The following ARHGAP42 variants were observed in gnomAD, a reference collection of about 807,000 sequenced individuals.
ARHGAP42 encodes the protein rho GTPase-activating protein 42.
Under a neutral mutation model 125.0 loss-of-function variants are expected in ARHGAP42, and 63 were observed. That is an observed-to-expected ratio of 0.50 (90% CI 0.41 to 0.62). The LOEUF (loss-of-function observed/expected upper bound fraction) is 0.62, where lower values mean the gene tolerates loss of function less well. Ranked by LOEUF, ARHGAP42 falls within the 20% of genes least tolerant of loss-of-function variation. The pLI is 0.00. For synonymous variants in ARHGAP42, 339 were observed against 351.0 expected, an observed-to-expected ratio of 0.97 and a Z score of 0.38; for missense variants, 766 against 1,024.2, an observed-to-expected ratio of 0.75 and a Z score of 3.44.
chr11:100,858,086 G>GGTGTGTGTGTGTGTGTGTGTGTGTGT (rs201861404), intron 3 of ARHGAP42, among the ~76,000 whole-genome samples: 1 of 108,920 alleles, frequency 9.2e-6, no homozygotes, highest in African/African-American at 3.0e-5. Flanking sequence ...TCTGGATAGG[G>GGTGTGTGTGTGTGTGTGTGTGTGTGT]GTGTGTGTGT....
At chr11:100,713,769 A>T (rs1162261923) in intron 1 of ARHGAP42, among the ~76,000 whole-genome samples, 3 of 152,186 alleles carry the variant, frequency 2.0e-5, no homozygotes, top group South Asian at 4.1e-4. Flanking sequence ...GATCTGCAGA[A>T]ATTTGTTTTT....
At chr11:100,888,487 A>G (rs1013403626) in intron 4 of ARHGAP42, among the ~76,000 whole-genome samples, 7 of 152,160 alleles carry the variant, frequency 4.6e-5, no homozygotes, top group African/African-American at 1.7e-4. Flanking sequence ...TTATGTGTAT[A>G]TTCCTAATAT....
At chr11:100,823,361 G>C (rs1053454082) in intron 3 of ARHGAP42, among the ~76,000 whole-genome samples, 1 of 152,088 alleles carries the variant, frequency 6.6e-6, no homozygotes, top group African/African-American at 2.4e-5. Flanking sequence ...TCAGGATGGT[G>C]GATCACCTCT....
At chr11:100,781,606 A>T (rs1863313110) in intron 2 of ARHGAP42, among the ~76,000 whole-genome samples, 3 of 152,226 alleles carry the variant, frequency 2.0e-5, no homozygotes, top group African/African-American at 4.8e-5. Flanking sequence ...TGCAAAACAG[A>T]AATAAATCCT....
At position 100,828,206 on chromosome 11, in the gene ARHGAP42, G is replaced by A. The variant is rs564803534; in HGVS notation, c.313-31348G>A. ...TTGTAGTCAGTGGCAAAGCATGAGG[G>A]TAATACTTTTCTTCCTTTTGTGTTA... On this transcript the variant is annotated intron_variant, in intron 3 of 23. Transcript: ENST00000298815. Among the ~76,000 whole-genome samples, 11 of 152,138 alleles carry A rather than the reference G, an allele frequency of 7.2e-5. No homozygotes were observed. The East Asian group carries it at 2.1e-3, about 29-fold the overall frequency.
At chr11:100,894,319 A>G (rs1215051108) in intron 4 of ARHGAP42, among the ~76,000 whole-genome samples, 1 of 152,154 alleles carries the variant, frequency 6.6e-6, no homozygotes, top group African/African-American at 2.4e-5. Flanking sequence ...ACAAGAGACA[A>G]GATAGTGACT....
intron 6 of ARHGAP42, among the ~76,000 whole-genome samples, chr11:100,924,658 C>T (rs1305148921): frequency 6.6e-6 from 1 of 151,868 alleles, no homozygotes; most frequent in Non-Finnish European, 1.5e-5. Context: ...CAGAGTAACA[C>T]TCTGTCTCAA....
intron 16 of ARHGAP42, among the ~76,000 whole-genome samples, chr11:100,964,153 A>G (rs918332929): frequency 1.3e-5 from 2 of 152,190 alleles, no homozygotes; most frequent in African/African-American, 2.4e-5. Flanking sequence ...AGTCCAGCTC[A>G]GTATAAAGGG....
chr11:100,820,079 A>G (rs1864368181), intron 3 of ARHGAP42, among the ~76,000 whole-genome samples: 1 of 152,164 alleles, frequency 6.6e-6, no homozygotes, highest in Non-Finnish European at 1.5e-5. Context: ...GTAAAGCATA[A>G]TAAAGGCTTG....
At chr11:100,984,131 A>G (rs1157320603) in intron 22 of ARHGAP42, among the ~76,000 whole-genome samples, 6 of 151,668 alleles carry the variant, frequency 4.0e-5, no homozygotes, top group African/African-American at 1.5e-4. Flanking sequence ...AAAAAAAAGC[A>G]AAAGAAAGAA....
chr11:100,688,029 A>T, intron 1 of ARHGAP42, 197 bp downstream of exon 1: 1 of 507,702 alleles, frequency 2.0e-6, no homozygotes, highest in Non-Finnish European at 3.3e-6. Context: ...GTCTACAGGG[A>T]TGGGGAAAGT....
At chr11:100,837,455 G>A (rs886549108) in intron 3 of ARHGAP42, among the ~76,000 whole-genome samples, 3 of 151,998 alleles carry the variant, frequency 2.0e-5, no homozygotes, top group African/African-American at 7.3e-5. Flanking sequence ...TTGGAAATGA[G>A]ATCACAGTGT....
intron 4 of ARHGAP42, among the ~76,000 whole-genome samples, chr11:100,894,692 T>G (rs2135197511): frequency 6.6e-6 from 1 of 152,276 alleles, no homozygotes; most frequent in South Asian, 2.1e-4. Context: ...ACCATTTGCT[T>G]CTTCTTTCCT....
At chr11:100,697,555 G>A (rs1356141178) in intron 1 of ARHGAP42, among the ~76,000 whole-genome samples, 1 of 152,186 alleles carries the variant, frequency 6.6e-6, no homozygotes, top group African/African-American at 2.4e-5. Context: ...CTCTATGAAA[G>A]ACGTGCCAAA....
At chr11:100,855,648 T>G (rs1208701268) in intron 3 of ARHGAP42, among the ~76,000 whole-genome samples, 1 of 152,052 alleles carries the variant, frequency 6.6e-6, no homozygotes, top group Non-Finnish European at 1.5e-5. Context: ...TTTGAATGAT[T>G]TATGTGCACC....
intron 1 of ARHGAP42, among the ~76,000 whole-genome samples, chr11:100,689,125 T>C (rs1022503540): frequency 1.3e-5 from 2 of 152,254 alleles, no homozygotes; most frequent in African/African-American, 2.4e-5. Flanking sequence ...CTTGTGTTAC[T>C]TAACCAAGGT....
chr11:100,736,554 T>G (rs1032351179), intron 1 of ARHGAP42, among the ~76,000 whole-genome samples: 1 of 152,154 alleles, frequency 6.6e-6, no homozygotes, highest in Non-Finnish European at 1.5e-5. Flanking sequence ...CTGCAGGGTG[T>G]CTCTGTGTTT....
At chr11:100,750,689 G>A (rs1862427275) in intron 1 of ARHGAP42, among the ~76,000 whole-genome samples, 2 of 151,968 alleles carry the variant, frequency 1.3e-5, no homozygotes, top group Admixed American at 6.6e-5. Flanking sequence ...GCAGGAAATC[G>A]GAATGAGTCA....
At chr11:100,858,496 G>A (rs675486) in intron 3 of ARHGAP42, among the ~76,000 whole-genome samples, 32,453 of 151,898 alleles carry the variant, frequency 0.21, 3,463 homozygotes, top group East Asian at 0.25. Flanking sequence ...GTGCATTTGT[G>A]TATTATGGAC....
Sources: allele counts gnomAD v4.1 joint callset (sites outside exome capture counted in the v4.1 genomes callset), GRCh38; gene constraint gnomAD v4.1.1; transcripts MANE v1.5; gene names NCBI Gene and HGNC (gene_info 2026-07-23, HGNC 2026-07-21).